The following RBPMS2 variants were observed in gnomAD, a reference collection of about 807,000 sequenced individuals.
RBPMS2 encodes RNA-binding protein with multiple splicing 2.
RBPMS2 carries 14 observed loss-of-function variants against 25.7 expected under a neutral mutation model. That is an observed-to-expected ratio of 0.55 (90% CI 0.36 to 0.85). The LOEUF is 0.85. Among genes scored for constraint, RBPMS2 ranks in the 40% least tolerant of loss-of-function variants. RBPMS2 has a pLI of 0.01. For missense variants in RBPMS2, 252 were observed against 283.4 expected (o/e 0.89, Z 0.80); for synonymous variants, 127 against 115.6 (o/e 1.10, Z -0.63).
rs1224976671 is a variant in RBPMS2, at chr15:64,762,072, G to A, written c.88-10434C>T. 3.3e-5 allele frequency among the ~76,000 whole-genome samples: 5 copies of A among 151,986 alleles called. No homozygotes were observed. The East Asian group carries it at 5.8e-4, about 18-fold the overall frequency. The stretch of plus-strand genomic sequence containing the variant: ...TCACCATGTTGCCCAAGCTCATCTC[G>A]AATTCCTGGACTCAAGCCATCCTCC... On this transcript the variant is annotated intron_variant, in intron 1 of 7. Transcript: ENST00000300069.
chr15:64,741,870 T>A (rs758652844), intron 6 of RBPMS2, among the ~76,000 whole-genome samples: 6 of 151,978 alleles, frequency 3.9e-5, no homozygotes, highest in Admixed American at 2.6e-4. Flanking sequence ...AATGTCTCTA[T>A]TAAAACCAAA....
Position 64,775,277 on chromosome 15 carries a change from C to CGGTGCT in RBPMS2, c.37_42dup (p.Ser13_Thr14dup). 7.4e-7 allele frequency: 1 copy of CGGTGCT among 1,350,202 alleles called. No individual in the cohort carries two copies. The highest frequency in any genetic ancestry group is 9.6e-7 in the Non-Finnish European group (1 of 1,044,294). 83.6% of individuals were successfully genotyped at this position (1,350,202 alleles called of 1,614,324 possible). ...CCGGAGCCCGCGCCGGAGCCGGTGCCGGTGCTGCCGCCGTGCTCGCCGTCC... is the reference window on the plus strand; with the variant it reads ...CCGGAGCCCGCGCCGGAGCCGGTGCCGGTGCTGGTGCTGCCGCCGTGCTCGCCGTCC... On this transcript the variant is annotated inframe_insertion, in exon 1 of 8. Transcript: ENST00000300069.
At chr15:64,759,334 A>AG (rs1277829575) in intron 1 of RBPMS2, among the ~76,000 whole-genome samples, 10 of 152,196 alleles carry the variant, frequency 6.6e-5, no homozygotes, top group African/African-American at 2.4e-4. Context: ...ACCACGACGG[A>AG]GGAGCCTGCC....
chr15:64,768,436 C>T (rs983823735), intron 1 of RBPMS2, among the ~76,000 whole-genome samples: 8 of 151,980 alleles, frequency 5.3e-5, no homozygotes, highest in Non-Finnish European at 1.2e-4. Flanking sequence ...GTCAGGAGTT[C>T]GAGACCAGCC....
At chr15:64,773,068 C>T (rs1477330664) in intron 1 of RBPMS2, among the ~76,000 whole-genome samples, 1 of 152,188 alleles carries the variant, frequency 6.6e-6, no homozygotes, top group Non-Finnish European at 1.5e-5. Context: ...CAGCAGCATT[C>T]CTTGGTTTCC....
chr15:64,769,912 G>A (rs989718918), intron 1 of RBPMS2, among the ~76,000 whole-genome samples: 2 of 152,112 alleles, frequency 1.3e-5, no homozygotes, highest in Non-Finnish European at 1.5e-5. Context: ...TGGGCGCGGT[G>A]GCTCACGCCT....
At chr15:64,754,074 G>C (rs1303084683) in intron 1 of RBPMS2, among the ~76,000 whole-genome samples, 3 of 152,206 alleles carry the variant, frequency 2.0e-5, no homozygotes, top group Non-Finnish European at 2.9e-5. Context: ...ACTTTGGAAG[G>C]CTGAGGCGGG....
Position 64,751,543 on chromosome 15 carries a change from G to A in RBPMS2, c.165+18C>T, listed in dbSNP as rs759037464. 1.9e-5 allele frequency: 30 copies of A among 1,609,792 alleles called. No homozygotes were observed. The highest frequency in any genetic ancestry group is 2.3e-5 in the Non-Finnish European group (27 of 1,176,450). ...GGGTCCCAGGCTCTACCCAGGGGGC[G>A]GCTGGGTCCTGACTCACCTTGAACG... On this transcript the variant is annotated intron_variant, in intron 2 of 7. Transcript: ENST00000300069.
intron 1 of RBPMS2, among the ~76,000 whole-genome samples, chr15:64,757,090 A>G (rs999797883): frequency 2.0e-5 from 3 of 150,462 alleles, no homozygotes; most frequent in Non-Finnish European, 4.4e-5. Flanking sequence ...TTCCTGCCTC[A>G]GCCTCCAGAG....
chr15:64,763,619 C>T (rs1354105130), intron 1 of RBPMS2, among the ~76,000 whole-genome samples: 1 of 152,186 alleles, frequency 6.6e-6, no homozygotes, highest in African/African-American at 2.4e-5. Context: ...GCATGCAAAG[C>T]TCATAGTCCT....
intron 1 of RBPMS2, among the ~76,000 whole-genome samples, chr15:64,774,851 G>A: frequency 6.6e-6 from 1 of 151,532 alleles, no homozygotes; most frequent in Non-Finnish European, 1.5e-5. Flanking sequence ...GCCGAGGCGG[G>A]GTCCTGGCCA....
chr15:64,757,248 C>T (rs922495168), intron 1 of RBPMS2, among the ~76,000 whole-genome samples: 4 of 150,792 alleles, frequency 2.7e-5, no homozygotes, highest in African/African-American at 9.8e-5. Context: ...GGTGGAATTA[C>T]AGGTATGAGC....
At chr15:64,747,443 T>A (rs1354081721) in intron 6 of RBPMS2, among the ~76,000 whole-genome samples, 3 of 152,038 alleles carry the variant, frequency 2.0e-5, no homozygotes, top group Non-Finnish European at 4.4e-5. Flanking sequence ...GCAACCTCAA[T>A]TCTCTCCTTC....
chr15:64,768,506 C>G (rs764806205), intron 1 of RBPMS2, among the ~76,000 whole-genome samples: 3 of 152,018 alleles, frequency 2.0e-5, no homozygotes, highest in Admixed American at 6.6e-5. Flanking sequence ...GGTGTGGTAG[C>G]GGGTGCCTGT....
chr15:64,761,080 A>G (rs943412555), intron 1 of RBPMS2: 2 of 152,054 alleles, frequency 1.3e-5, no homozygotes, highest in Admixed American at 6.5e-5. Context: ...AGCATCTCTA[A>G]AAGTTAGAAT....
chr15:64,760,122 G>C (rs141822862), intron 1 of RBPMS2, among the ~76,000 whole-genome samples: 1 of 152,232 alleles, frequency 6.6e-6, no homozygotes, highest in African/African-American at 2.4e-5. Flanking sequence ...CACACACAGG[G>C]CCCAGCTCAC....
Position 64,749,483 on chromosome 15 carries a change from AAACC to A in RBPMS2, c.211_214del (p.Gly71LeufsTer2). 6.2e-7 allele frequency: 1 copy of A among 1,613,088 alleles called. No individual in the cohort carries two copies. The highest frequency in any genetic ancestry group is 8.5e-7 in the Non-Finnish European group (1 of 1,179,866). ...TCCTGCACGGCTGTCAAAGATCACAAAACCAACAGGCTAGTAGGAAAAAGAGAGA... is the reference window on the plus strand; with the variant it reads ...TCCTGCACGGCTGTCAAAGATCACAAAACAGGCTAGTAGGAAAAAGAGAGA... On this transcript the variant is annotated frameshift_variant, in exon 4 of 8. Coordinates refer to ENST00000300069, the MANE Select transcript of RBPMS2 (RefSeq NM_194272.3). LOFTEE classifies it high-confidence loss of function.
intron 1 of RBPMS2, chr15:64,762,279 AGACT>A (rs1462759406): frequency 1.1e-5 from 5 of 465,746 alleles, no homozygotes; most frequent in African/African-American, 2.0e-5. Flanking sequence ...GCCAACGACG[AGACT>A]GACTGACAGA....
intron 4 of RBPMS2, 112 bp downstream of exon 4, chr15:64,749,315 CACAG>C (rs2083652136): frequency 7.6e-7 from 1 of 1,311,596 alleles, no homozygotes; most frequent in South Asian, 1.2e-5. Flanking sequence ...TGGCCTTTGG[CACAG>C]ACAGTGTCGC....
Sources: allele counts gnomAD v4.1 joint callset (sites outside exome capture counted in the v4.1 genomes callset), GRCh38; gene constraint gnomAD v4.1.1; transcripts MANE v1.5; gene names NCBI Gene and HGNC (gene_info 2026-07-23, HGNC 2026-07-21).